ARL17B: variants seen among roughly 807,000 people sequenced by gnomAD.
The protein encoded by ARL17B is ADP-ribosylation factor-like protein 17.
intron 4 of ARL17B, among the ~76,000 whole-genome samples, chr17:46,276,518 C>T (rs1279942271): frequency 2.6e-5 from 4 of 151,992 alleles, no homozygotes; most frequent in Admixed American, 6.6e-5. Flanking sequence ...TATCACAATC[C>T]GTAAGAAAAG....
At chr17:46,319,212 A>ATTTTTTTT (rs1225879085) in intron 3 of ARL17B, among the ~76,000 whole-genome samples, 1 of 1,640 alleles carries the variant, frequency 6.1e-4, no homozygotes, top group Admixed American at 4.3e-3. Context: ...ATTGTGGTCA[A>ATTTTTTTT]TTTTTTTTTT....
intron 4 of ARL17B, among the ~76,000 whole-genome samples, chr17:46,282,388 C>G (rs2049789987): frequency 6.6e-6 from 1 of 151,268 alleles, no homozygotes; most frequent in African/African-American, 2.4e-5. Flanking sequence ...CAGGCGTGAT[C>G]CACCGCACCT....
chr17:46,284,284 T>G (rs1273437281), intron 4 of ARL17B, among the ~76,000 whole-genome samples: 1 of 152,268 alleles, frequency 6.6e-6, no homozygotes, highest in Non-Finnish European at 1.5e-5. Flanking sequence ...CCCTGCGGCC[T>G]TCCGCAGTGT....
rs1464447276 is a variant in ARL17B, at chr17:46,322,404, T to C, written c.260-22739A>G. The C allele has an allele frequency of 3.1e-6, 2 of 647,288 alleles. 1 individual carries two copies. The allele number at this position is 647,288 out of a possible 1,614,324, so 40.1% of individuals were successfully genotyped here. A position where few individuals can be genotyped will look rare whatever the true frequency, so the allele number is the denominator to read the frequency against. ...AGCATTAAAATATCTGTAAGTACTA[T>C]AGTACTCTCATGAGTCAAGAGATGA... On this transcript the variant is annotated intron_variant, in intron 3 of 4. Transcript: ENST00000434041.
chr17:46,350,808 C>A (rs1598212432), intron 3 of ARL17B, among the ~76,000 whole-genome samples: 2 of 42,884 alleles, frequency 4.7e-5, no homozygotes, highest in Non-Finnish European at 1.2e-4. Flanking sequence ...GCAGAGGTTA[C>A]AGTGAGCCAA....
intron 3 of ARL17B, among the ~76,000 whole-genome samples, chr17:46,329,189 G>C (rs1290109875): frequency 4.1e-3 from 1 of 242 alleles, no homozygotes; most frequent in African/African-American, 5.6e-3. Flanking sequence ...AAATGTGACT[G>C]CTTTCATGTC....
intron 4 of ARL17B, among the ~76,000 whole-genome samples, chr17:46,288,500 G>A (rs1191035490): frequency 2.6e-5 from 4 of 151,992 alleles, no homozygotes; most frequent in South Asian, 2.1e-4. Context: ...GTTGTGCCAC[G>A]TTGGCCAGGC....
downstream of ARL17B, chr17:46,330,968 G>A (rs138752722): frequency 5.0e-5 from 36 of 724,140 alleles, 9 homozygotes; most frequent in African/African-American, 2.8e-4. Context: ...GGGAAACGCC[G>A]TCTACACCAA....
intron 4 of ARL17B, among the ~76,000 whole-genome samples, chr17:46,277,862 G>A (rs2049635664): frequency 1.3e-5 from 2 of 152,062 alleles, no homozygotes; most frequent in African/African-American, 4.8e-5. Flanking sequence ...GGCCAGGCTG[G>A]TCTGGAACTC....
intron 3 of ARL17B, among the ~76,000 whole-genome samples, chr17:46,315,992 T>C (rs2051082352): frequency 1.9e-5 from 1 of 52,976 alleles, no homozygotes; most frequent in Non-Finnish European, 5.1e-5. Flanking sequence ...GGCACAATCT[T>C]TACTCGCCGC....
chr17:46,327,423 A>T (rs1462916584), intron 3 of ARL17B, among the ~76,000 whole-genome samples: 1 of 14,374 alleles, frequency 7.0e-5, no homozygotes, highest in Non-Finnish European at 2.7e-3. Flanking sequence ...CTGAAAATAC[A>T]AAAGTACAAA....
chr17:46,275,425 A>T (rs1411859075), intron 4 of ARL17B: 1 of 945,088 alleles, frequency 1.1e-6, no homozygotes, highest in African/African-American at 1.8e-5. Flanking sequence ...AGACCTACAG[A>T]GTATAGAAAA....
chr17:46,357,083 G>A (rs1346123633), intron 2 of ARL17B, among the ~76,000 whole-genome samples: 4 of 67,354 alleles, frequency 5.9e-5, no homozygotes, highest in Non-Finnish European at 1.0e-4. Flanking sequence ...TGAGGCATGA[G>A]AATCGCCTGA....
At chr17:46,275,475 T>C in intron 4 of ARL17B, 1 of 718,724 alleles carries the variant, frequency 1.4e-6, no homozygotes, top group Admixed American at 2.2e-5. Context: ...AAAATGATGC[T>C]TTATGCGGAT....
chr17:46,277,505 T>C (rs2049621114), intron 4 of ARL17B, among the ~76,000 whole-genome samples: 1 of 152,180 alleles, frequency 6.6e-6, no homozygotes, highest in Non-Finnish European at 1.5e-5. Flanking sequence ...CATGTACAAA[T>C]CAAAAAGCAT....
intron 4 of ARL17B, among the ~76,000 whole-genome samples, chr17:46,281,123 C>A (rs1265008634): frequency 7.0e-5 from 10 of 141,868 alleles, no homozygotes; most frequent in Non-Finnish European, 1.6e-4. Flanking sequence ...CTAAAAGTTT[C>A]TTTTATTCTT....
At chr17:46,278,882 C>G (rs890405971) in intron 4 of ARL17B, among the ~76,000 whole-genome samples, 5 of 152,136 alleles carry the variant, frequency 3.3e-5, no homozygotes, top group African/African-American at 1.2e-4. Flanking sequence ...ACTGCAACCT[C>G]TGCCTCCTGG....
At chr17:46,275,503 T>C (rs1273134960) in intron 4 of ARL17B, 4 of 631,224 alleles carry the variant, frequency 6.3e-6, no homozygotes, top group Admixed American at 2.4e-5. Flanking sequence ...TAAATAAATC[T>C]GGAAGAAGCA....
At position 46,324,867 on chromosome 17, in the gene ARL17B, C is replaced by T. The variant is rs1394170946; in HGVS notation, c.260-25202G>A. ...ATATATATATATTTATATATATGTA[C>T]GTGTATATATGTATATGTATGCCTG... On this transcript the variant is annotated intron_variant, in intron 3 of 4. Transcript: ENST00000434041. Among the ~76,000 whole-genome samples, 5 of 75,014 alleles carry T rather than the reference C, an allele frequency of 6.7e-5. 2 individuals carry two copies. Among genetic ancestry groups the T allele is most frequent in the Admixed American group, 2.9e-4 (2 of 6,984 alleles). 49.2% of individuals were successfully genotyped at this position (75,014 alleles called of 152,430 possible).
Sources: gnomAD v4.1 joint callset for allele counts (sites outside exome capture counted in the v4.1 genomes callset) on GRCh38, gnomAD v4.1.1 for gene constraint, MANE v1.5 for transcripts, NCBI Gene and HGNC (gene_info 2026-07-23, HGNC 2026-07-21) for gene names.